ANKS1B: variants seen among roughly 807,000 people sequenced by gnomAD.
The protein encoded by ANKS1B is ankyrin repeat and sterile alpha motif domain containing 1B, also known as ankyrin repeat and sterile alpha motif domain-containing protein 1B.
A neutral mutation model predicts 148.3 loss-of-function variants in ANKS1B; 36 were observed. The observed-to-expected ratio is 0.24, with a 90% CI of 0.19 to 0.32. The LOEUF is 0.32. Among genes scored for constraint, ANKS1B ranks in the 10% least tolerant of loss-of-function variants. The pLI is 1.00. For synonymous variants in ANKS1B, 542 were observed against 560.8 expected (o/e 0.97, Z 0.47); for missense variants, 1,157 against 1,542.6 (o/e 0.75, Z 4.19).
intron 14 of ANKS1B, among the ~76,000 whole-genome samples, chr12:99,220,149 G>A (rs1260558567): frequency 6.6e-6 from 1 of 151,882 alleles, no homozygotes; most frequent in African/African-American, 2.4e-5. Flanking sequence ...AAAGGTGCAT[G>A]CCACCACACC....
intron 17 of ANKS1B, among the ~76,000 whole-genome samples, chr12:98,991,368 G>C (rs1005528097): frequency 1.3e-5 from 2 of 152,180 alleles, no homozygotes; most frequent in African/African-American, 4.8e-5. Context: ...TTTTATTTCA[G>C]ATATATAATG....
At chr12:99,942,599 AT>A (rs992440181) in intron 1 of ANKS1B, among the ~76,000 whole-genome samples, 4 of 152,120 alleles carry the variant, frequency 2.6e-5, no homozygotes, top group East Asian at 3.9e-4. Flanking sequence ...AAAAAGCAAC[AT>A]TTTTTTTAGA....
At chr12:99,822,006 A>G (rs1366548789) in intron 2 of ANKS1B, among the ~76,000 whole-genome samples, 3 of 152,160 alleles carry the variant, frequency 2.0e-5, no homozygotes, top group Non-Finnish European at 4.4e-5. Context: ...AATAAAAATA[A>G]ATACAATTTG....
In ANKS1B at chr12:98,999,507, C is replaced by T. The variant is rs190488574; in HGVS notation, c.2778+53650G>A. Reference sequence around the variant, plus strand: ...TTGGGTCAGATAAATAGCAAATATTCTGGGAAAGGATACTTTATGTTTTTG... The same window carrying T: ...TTGGGTCAGATAAATAGCAAATATTTTGGGAAAGGATACTTTATGTTTTTG... On this transcript the variant is annotated intron_variant, in intron 17 of 26. Transcript: ENST00000683438. 6.2e-4 allele frequency among the ~76,000 whole-genome samples: 94 copies of T among 152,190 alleles called. No individual in the cohort carries two copies. The East Asian group carries it at 0.017, about 28-fold the overall frequency.
At chr12:99,598,880 C>T (rs1472268524) in intron 9 of ANKS1B, among the ~76,000 whole-genome samples, 1 of 152,010 alleles carries the variant, frequency 6.6e-6, no homozygotes, top group Non-Finnish European at 1.5e-5. Context: ...GTTTGGGATG[C>T]CAGAGTCTGA....
At chr12:99,831,739 T>C (rs1347820877) in intron 1 of ANKS1B, among the ~76,000 whole-genome samples, 1 of 151,966 alleles carries the variant, frequency 6.6e-6, no homozygotes, top group Non-Finnish European at 1.5e-5. Context: ...TTAGCTTATG[T>C]GAACCTCCCT....
chr12:98,839,497 A>T (rs1248128638), intron 17 of ANKS1B, among the ~76,000 whole-genome samples: 1 of 152,184 alleles, frequency 6.6e-6, no homozygotes, highest in Admixed American at 6.5e-5. Flanking sequence ...AATGACTAGG[A>T]AGCTTATCTG....
intron 10 of ANKS1B, among the ~76,000 whole-genome samples, chr12:99,501,310 G>T (rs1386128423): frequency 5.9e-5 from 9 of 152,080 alleles, no homozygotes; most frequent in Non-Finnish European, 1.0e-4. Flanking sequence ...ATTAGAAACT[G>T]TTAATTTTAA....
At chr12:99,756,933 T>C (rs1390239207) in intron 8 of ANKS1B, among the ~76,000 whole-genome samples, 1 of 151,848 alleles carries the variant, frequency 6.6e-6, no homozygotes, top group East Asian at 1.9e-4. Flanking sequence ...TCATACCATA[T>C]ACAAAAATTA....
chr12:99,155,229 A>G, intron 14 of ANKS1B: 1 of 942,010 alleles, frequency 1.1e-6, no homozygotes. Context: ...TCCTTTTTAA[A>G]TGGAGCACAG....
chr12:99,852,867 T>A (rs1006142706), intron 1 of ANKS1B, among the ~76,000 whole-genome samples: 1 of 152,276 alleles, frequency 6.6e-6, no homozygotes, highest in East Asian at 1.9e-4. Flanking sequence ...TCGGTTCTAT[T>A]GGGAGGGCAC....
Position 99,690,689 on chromosome 12 carries a change from C to T in ANKS1B, c.1129-35479G>A, listed in dbSNP as rs549587013. ...CCCATGGCCTTAGGCAGCTCCACCC[C>T]TGTGGCTCTGCAGGGTACAGCCCCC... On this transcript the variant is annotated intron_variant, in intron 8 of 26. Transcript: ENST00000683438. 5.9e-5 allele frequency among the ~76,000 whole-genome samples: 9 copies of T among 152,338 alleles called. No homozygotes were observed. The East Asian group carries it at 1.7e-3, about 29-fold the overall frequency.
At chr12:99,457,042 A>G (rs1351348005) in intron 10 of ANKS1B, among the ~76,000 whole-genome samples, 2 of 152,212 alleles carry the variant, frequency 1.3e-5, no homozygotes, top group Non-Finnish European at 2.9e-5. Context: ...AGGAAAACTT[A>G]TCAGATTAAC....
At chr12:99,298,408 C>A (rs866807743) in intron 12 of ANKS1B, among the ~76,000 whole-genome samples, 6 of 152,254 alleles carry the variant, frequency 3.9e-5, no homozygotes, top group South Asian at 2.1e-4. Context: ...AACACATGTC[C>A]TCTTGTCTGC....
intron 17 of ANKS1B, among the ~76,000 whole-genome samples, chr12:99,001,195 C>T (rs767525636): frequency 3.9e-5 from 6 of 151,982 alleles, no homozygotes; most frequent in African/African-American, 7.3e-5. Context: ...AGTGGTGGCG[C>T]CATCTCGGCT....
At chr12:99,200,744 G>A (rs920006366) in intron 14 of ANKS1B, among the ~76,000 whole-genome samples, 5 of 152,258 alleles carry the variant, frequency 3.3e-5, no homozygotes, top group Middle Eastern at 3.4e-3. Context: ...TTTACTATAA[G>A]ACAATGAAGA....
At chr12:99,462,841 A>G (rs2096006919) in intron 10 of ANKS1B, among the ~76,000 whole-genome samples, 1 of 152,082 alleles carries the variant, frequency 6.6e-6, no homozygotes, top group South Asian at 2.1e-4. Flanking sequence ...CTGGCTGTTA[A>G]AAAGAGTCTA....
intron 1 of ANKS1B, among the ~76,000 whole-genome samples, chr12:99,911,070 G>A (rs2093990944): frequency 6.6e-6 from 1 of 152,012 alleles, no homozygotes. Context: ...AAGAACTACA[G>A]TTTTTCTCAA....
chr12:99,487,937 G>A (rs2096515331), intron 10 of ANKS1B, among the ~76,000 whole-genome samples: 1 of 151,940 alleles, frequency 6.6e-6, no homozygotes, highest in African/African-American at 2.4e-5. Context: ...TGCAAATATT[G>A]TAGATTTCTG....
Sources: gnomAD v4.1 joint callset for allele counts (sites outside exome capture counted in the v4.1 genomes callset) on GRCh38, gnomAD v4.1.1 for gene constraint, MANE v1.5 for transcripts, NCBI Gene and HGNC (gene_info 2026-07-23, HGNC 2026-07-21) for gene names.